SLC35F1: variants seen among roughly 807,000 people sequenced by gnomAD.
SLC35F1 encodes the protein chromosome 6 open reading frame 169.
Under a neutral mutation model 48.7 loss-of-function variants are expected in SLC35F1, and 14 were observed. The observed-to-expected ratio is 0.29, with a 90% CI of 0.19 to 0.45. The LOEUF (loss-of-function observed/expected upper bound fraction) is 0.45. Ranked by LOEUF, SLC35F1 falls within the 20% of genes least tolerant of loss-of-function variation. The probability of loss-of-function intolerance (pLI) is 1.00; values close to 1 mark genes in which losing one functional copy is unlikely to be tolerated. For synonymous variants in SLC35F1, 190 were observed against 202.2 expected, an observed-to-expected ratio of 0.94 and a Z score of 0.51; for missense variants, 404 against 500.0, an observed-to-expected ratio of 0.81 and a Z score of 1.83.
At chr6:118,223,864 C>T (rs958231607) in intron 2 of SLC35F1, among the ~76,000 whole-genome samples, 2 of 152,234 alleles carry the variant, frequency 1.3e-5, no homozygotes, top group Admixed American at 6.5e-5. Flanking sequence ...TAAATCTACT[C>T]AGCAAGTGGC....
At chr6:117,950,563 G>A (rs973851402) in intron 1 of SLC35F1, among the ~76,000 whole-genome samples, 2 of 152,156 alleles carry the variant, frequency 1.3e-5, no homozygotes, top group African/African-American at 4.8e-5. Flanking sequence ...CCTTCAAGGG[G>A]CATCACTCTT....
intron 1 of SLC35F1, among the ~76,000 whole-genome samples, chr6:118,057,920 A>G (rs1034881406): frequency 2.6e-5 from 4 of 152,162 alleles, no homozygotes; most frequent in African/African-American, 9.7e-5. Flanking sequence ...TTCAGATTAA[A>G]AGGCAGGCAG....
intron 1 of SLC35F1, among the ~76,000 whole-genome samples, chr6:118,085,739 C>T (rs531051273): frequency 8.6e-5 from 13 of 152,036 alleles, no homozygotes; most frequent in Admixed American, 8.5e-4. Flanking sequence ...ATGTGAATGA[C>T]CTGCCTTGAA....
At chr6:117,959,369 A>G (rs561431403) in intron 1 of SLC35F1, among the ~76,000 whole-genome samples, 46 of 152,276 alleles carry the variant, frequency 3.0e-4, no homozygotes, top group Non-Finnish European at 5.7e-4. Flanking sequence ...TTTTTTAAGC[A>G]CATTGTACTA....
chr6:117,929,268 A>G (rs1776068857), intron 1 of SLC35F1, among the ~76,000 whole-genome samples: 1 of 152,004 alleles, frequency 6.6e-6, no homozygotes, highest in Non-Finnish European at 1.5e-5. Context: ...CACCAGAGTA[A>G]AGCCTTCTTC....
At chr6:118,012,154 G>T (rs1777257427) in intron 1 of SLC35F1, among the ~76,000 whole-genome samples, 1 of 152,026 alleles carries the variant, frequency 6.6e-6, no homozygotes, top group African/African-American at 2.4e-5. Context: ...GAAAAAGCAG[G>T]AGGTAAAGGA....
chr6:118,295,158 G>A (rs1407092774), intron 7 of SLC35F1, among the ~76,000 whole-genome samples: 1 of 152,010 alleles, frequency 6.6e-6, no homozygotes, highest in Non-Finnish European at 1.5e-5. Flanking sequence ...TTACTGTTTT[G>A]TTGTGGTGGT....
chr6:118,152,138 C>T (rs77448127), intron 1 of SLC35F1, among the ~76,000 whole-genome samples: 637 of 152,226 alleles, frequency 4.2e-3, no homozygotes, highest in Non-Finnish European at 4.9e-3. Context: ...AAGGGAGTGA[C>T]ATAGAAGCCA....
chr6:117,929,169 G>C (rs567650746), intron 1 of SLC35F1, among the ~76,000 whole-genome samples: 1 of 151,978 alleles, frequency 6.6e-6, no homozygotes, highest in East Asian at 1.9e-4. Context: ...CCCACACATG[G>C]TTATATTTCT....
At chr6:118,088,716 G>A (rs1472891502) in intron 1 of SLC35F1, among the ~76,000 whole-genome samples, 1 of 152,178 alleles carries the variant, frequency 6.6e-6, no homozygotes, top group East Asian at 1.9e-4. Flanking sequence ...ATTAAACAAG[G>A]GCATTCAGCC....
Position 118,162,441 on chromosome 6 carries a change from G to A in SLC35F1, c.349+7821G>A, listed in dbSNP as rs185435041. The stretch of plus-strand genomic sequence containing the variant: ...AGGATGGAAATGTTCTGTGTATCTC[G>A]ATTTTTGTAGAGGTTACCTGACTAT... On this transcript the variant is annotated intron_variant, in intron 2 of 7. Transcript: ENST00000360388. Among the ~76,000 whole-genome samples the A allele has an allele frequency of 1.3e-3, 191 of 152,228 alleles. 1 individual carries two copies. Among genetic ancestry groups the A allele is most frequent in the African/African-American group, 4.5e-3 (189 of 41,542 alleles).
At chr6:117,997,606 TG>T in intron 1 of SLC35F1, among the ~76,000 whole-genome samples, 1 of 151,930 alleles carries the variant, frequency 6.6e-6, no homozygotes, top group East Asian at 1.9e-4. Context: ...CGGAAGAGAG[TG>T]GGGGCCAATA....
intron 1 of SLC35F1, among the ~76,000 whole-genome samples, chr6:117,924,640 G>T (rs1776005322): frequency 6.6e-6 from 1 of 151,904 alleles, no homozygotes; most frequent in South Asian, 2.1e-4. Flanking sequence ...CCTTGAGGAG[G>T]AGGGCAATGC....
intron 2 of SLC35F1, among the ~76,000 whole-genome samples, chr6:118,160,120 G>GA (rs1305189296): frequency 3.3e-5 from 5 of 152,042 alleles, no homozygotes; most frequent in African/African-American, 4.8e-5. Context: ...TAGTGGTAGG[G>GA]AAAAAATGGG....
intron 1 of SLC35F1, among the ~76,000 whole-genome samples, chr6:117,970,151 G>A (rs554872867): frequency 5.3e-5 from 8 of 152,282 alleles, no homozygotes; most frequent in African/African-American, 1.9e-4. Flanking sequence ...TACTATAACT[G>A]GATGATGTAT....
chr6:118,021,287 T>C (rs1777390609), intron 1 of SLC35F1, among the ~76,000 whole-genome samples: 1 of 152,194 alleles, frequency 6.6e-6, no homozygotes, highest in Admixed American at 6.5e-5. Flanking sequence ...TCCATGATGC[T>C]GTAGACTGGT....
At chr6:117,982,778 C>T (rs368147535) in intron 1 of SLC35F1, among the ~76,000 whole-genome samples, 55 of 152,238 alleles carry the variant, frequency 3.6e-4, no homozygotes, top group East Asian at 2.1e-3. Context: ...AGAATGAATA[C>T]GGATCTGACA....
At chr6:118,163,342 T>C (rs2859146) in intron 2 of SLC35F1, among the ~76,000 whole-genome samples, 1 of 151,986 alleles carries the variant, frequency 6.6e-6, no homozygotes, top group Non-Finnish European at 1.5e-5. Flanking sequence ...GACTTATAGA[T>C]GGAAGGAAAT....
At chr6:118,279,541 C>T (rs1033775994) in intron 6 of SLC35F1, among the ~76,000 whole-genome samples, 2 of 152,186 alleles carry the variant, frequency 1.3e-5, no homozygotes, top group Admixed American at 1.3e-4. Flanking sequence ...TTTCCTCTCT[C>T]ACCTCACAAA....
Sources: allele counts gnomAD v4.1 joint callset (sites outside exome capture counted in the v4.1 genomes callset), GRCh38; gene constraint gnomAD v4.1.1; transcripts MANE v1.5; gene names NCBI Gene and HGNC (gene_info 2026-07-23, HGNC 2026-07-21).